Variants in CACNG2 observed in about 807,000 individuals in gnomAD.
CACNG2 encodes voltage-dependent calcium channel gamma-2 subunit.
Under a neutral mutation model 25.9 loss-of-function variants are expected in CACNG2, and 3 were observed. The ratio of observed to expected loss-of-function variants is 0.12; its 90% CI spans 0.05 to 0.30. CACNG2 has a LOEUF of 0.30. CACNG2 is among the 10% of genes least tolerant of loss of function. The pLI is 1.00. For missense variants in CACNG2, 341 were observed against 432.5 expected, an observed-to-expected ratio of 0.79 and a Z score of 1.88; for synonymous variants, 167 against 173.3, an observed-to-expected ratio of 0.96 and a Z score of 0.29.
intron 2 of CACNG2, among the ~76,000 whole-genome samples, chr22:36,576,897 G>A (rs1189380645): frequency 6.6e-6 from 1 of 152,166 alleles, no homozygotes; most frequent in East Asian, 1.9e-4. Flanking sequence ...CAATGAACGT[G>A]TGCTATATAT....
At chr22:36,628,988 TA>T (rs3216432) in intron 1 of CACNG2, among the ~76,000 whole-genome samples, 37,758 of 151,048 alleles carry the variant, frequency 0.25, 7,219 homozygotes, top group African/African-American at 0.53. Context: ...TTGGCATAAA[TA>T]AAAAAAAACT....
chr22:36,642,368 T>A (rs5750280), intron 1 of CACNG2, among the ~76,000 whole-genome samples: 2 of 152,244 alleles, frequency 1.3e-5, no homozygotes, highest in East Asian at 3.9e-4. Flanking sequence ...CCCAATGCAT[T>A]CATATTGCCT....
chr22:36,668,063 T>G (rs764787937), intron 1 of CACNG2, among the ~76,000 whole-genome samples: 3 of 152,186 alleles, frequency 2.0e-5, no homozygotes. Flanking sequence ...GGTGATACTA[T>G]TAGGTCCATT....
chr22:36,685,944 C>T (rs1937190694), intron 1 of CACNG2, among the ~76,000 whole-genome samples: 1 of 152,214 alleles, frequency 6.6e-6, no homozygotes, highest in African/African-American at 2.4e-5. Flanking sequence ...TCACCAAGAG[C>T]TTGAGGTGTG....
chr22:36,592,364 T>A (rs1481507382), intron 1 of CACNG2, among the ~76,000 whole-genome samples: 1 of 149,092 alleles, frequency 6.7e-6, no homozygotes, highest in Non-Finnish European at 1.5e-5. Context: ...AGCCAGAGAG[T>A]GGGATGCAAA....
intron 1 of CACNG2, among the ~76,000 whole-genome samples, chr22:36,623,565 T>G (rs755243053): frequency 2.0e-5 from 3 of 152,088 alleles, no homozygotes; most frequent in Non-Finnish European, 2.9e-5. Context: ...CCAAGTGAGT[T>G]AGTACAAGAG....
At chr22:36,689,117 C>T (rs575894461) in intron 1 of CACNG2, among the ~76,000 whole-genome samples, 14 of 152,248 alleles carry the variant, frequency 9.2e-5, no homozygotes, top group Admixed American at 2.6e-4. Context: ...TCTCTTTTCT[C>T]GCCTTTACTT....
At chr22:36,685,721 C>G (rs991702366) in intron 1 of CACNG2, among the ~76,000 whole-genome samples, 37 of 152,374 alleles carry the variant, frequency 2.4e-4, no homozygotes, top group African/African-American at 8.4e-4. Context: ...GTTCCGGGAC[C>G]AAGGCGGGGA....
rs564205092 is a variant in CACNG2, at chr22:36,592,837, C to T, written c.212-5289G>A. Among the ~76,000 whole-genome samples the T allele has an allele frequency of 2.6e-5, 4 of 152,274 alleles. No individual in the cohort carries two copies. In the South Asian group the frequency reaches 8.3e-4, roughly 32 times the overall value. On this transcript the variant is annotated intron_variant, in intron 1 of 3. Coordinates refer to ENST00000300105, the MANE Select transcript of CACNG2 (RefSeq NM_006078.5). ...TGTCCTCTACGGTTCGACTAGAGGA[C>T]CTCTCTGTGCCCAGCAGCCCCAGGA... is the stretch of plus-strand genomic sequence containing the variant.
At chr22:36,580,426 T>C (rs1603500706) in intron 2 of CACNG2, among the ~76,000 whole-genome samples, 1 of 152,164 alleles carries the variant, frequency 6.6e-6, no homozygotes, top group South Asian at 2.1e-4. Flanking sequence ...GGTGTACCTC[T>C]CTTGTGTGTG....
At chr22:36,635,972 C>A (rs1471189812) in intron 1 of CACNG2, among the ~76,000 whole-genome samples, 1 of 152,224 alleles carries the variant, frequency 6.6e-6, no homozygotes, top group African/African-American at 2.4e-5. Context: ...GCCACTAACT[C>A]CTTGCATCTC....
intron 1 of CACNG2, among the ~76,000 whole-genome samples, chr22:36,654,419 A>G (rs1569042044): frequency 6.6e-6 from 1 of 151,536 alleles, no homozygotes; most frequent in Non-Finnish European, 1.5e-5. Context: ...TTTGGTAGAG[A>G]CAGAGTTTCC....
At chr22:36,602,317 C>A (rs971353907) in intron 1 of CACNG2, among the ~76,000 whole-genome samples, 6 of 151,846 alleles carry the variant, frequency 4.0e-5, no homozygotes, top group African/African-American at 1.5e-4. Flanking sequence ...CTGTACATTG[C>A]CCTTTCATTT....
At chr22:36,603,966 A>G (rs111268400) in intron 1 of CACNG2, among the ~76,000 whole-genome samples, 31,279 of 152,156 alleles carry the variant, frequency 0.21, 3,774 homozygotes, top group East Asian at 0.38. Context: ...ATAAGGCTAT[A>G]GCTGCCAGAG....
chr22:36,607,373 A>G (rs1451967140), intron 1 of CACNG2, among the ~76,000 whole-genome samples: 1 of 152,062 alleles, frequency 6.6e-6, no homozygotes, highest in Non-Finnish European at 1.5e-5. Context: ...CTCCCATCTC[A>G]GCCTCCTGAG....
chr22:36,694,171 T>G (rs901041395), intron 1 of CACNG2, among the ~76,000 whole-genome samples: 2 of 152,226 alleles, frequency 1.3e-5, no homozygotes, highest in Non-Finnish European at 2.9e-5. Context: ...TGCAGCAAGA[T>G]AGCTGACCGT....
At chr22:36,672,757 C>T (rs569590051) in intron 1 of CACNG2, among the ~76,000 whole-genome samples, 1 of 152,326 alleles carries the variant, frequency 6.6e-6, no homozygotes, top group East Asian at 1.9e-4. Flanking sequence ...AACACCCCAC[C>T]CAGGCCCACT....
chr22:36,626,556 C>T (rs193200550), intron 1 of CACNG2, among the ~76,000 whole-genome samples: 2 of 152,226 alleles, frequency 1.3e-5, no homozygotes, highest in East Asian at 1.9e-4. Flanking sequence ...TTGGTCTGTT[C>T]TCTTCTTTAT....
chr22:36,670,925 T>C (rs917403376), intron 1 of CACNG2, among the ~76,000 whole-genome samples: 4 of 151,280 alleles, frequency 2.6e-5, no homozygotes, highest in African/African-American at 9.7e-5. Flanking sequence ...TATATTCTTT[T>C]TTTTTTTTTT....
Sources: gnomAD v4.1 joint callset for allele counts (sites outside exome capture counted in the v4.1 genomes callset) on GRCh38, gnomAD v4.1.1 for gene constraint, MANE v1.5 for transcripts, NCBI Gene and HGNC (gene_info 2026-07-23, HGNC 2026-07-21) for gene names.